RIT2: variants seen among roughly 807,000 people sequenced by gnomAD.
RIT2 encodes GTP-binding protein Rit2.
A neutral mutation model predicts 23.7 loss-of-function variants in RIT2; 24 were observed. The ratio of observed to expected loss-of-function variants is 1.01; its 90% CI spans 0.73 to 1.43. RIT2 has a LOEUF of 1.43. Ranked by LOEUF, RIT2 falls within the 40% of genes most tolerant of loss-of-function variation. The pLI is 0.00. For missense variants in RIT2, 236 were observed against 266.9 expected, an observed-to-expected ratio of 0.88 and a Z score of 0.81; for synonymous variants, 107 against 91.1, an observed-to-expected ratio of 1.17 and a Z score of -0.99.
chr18:42,936,566 A>G (rs531662172), intron 3 of RIT2, among the ~76,000 whole-genome samples: 11 of 152,292 alleles, frequency 7.2e-5, no homozygotes, highest in Admixed American at 6.5e-4. Flanking sequence ...ACTACTCGGA[A>G]ACTTTTCCTG....
chr18:42,837,844 A>G (rs1436975069), intron 4 of RIT2, among the ~76,000 whole-genome samples: 1 of 152,196 alleles, frequency 6.6e-6, no homozygotes, highest in African/African-American at 2.4e-5. Flanking sequence ...GCATTTTGGA[A>G]GCAGAACACT....
intron 4 of RIT2, among the ~76,000 whole-genome samples, chr18:42,899,572 A>G (rs1908421365): frequency 6.6e-6 from 1 of 151,948 alleles, no homozygotes; most frequent in Non-Finnish European, 1.5e-5. Flanking sequence ...TCTTCTCATG[A>G]GAGCTATAGT....
At chr18:42,937,999 G>A (rs1216089512) in intron 3 of RIT2, among the ~76,000 whole-genome samples, 3 of 152,064 alleles carry the variant, frequency 2.0e-5, no homozygotes, top group Admixed American at 1.3e-4. Context: ...TTTGAGCTAA[G>A]GAAACTTCAG....
intron 4 of RIT2, among the ~76,000 whole-genome samples, chr18:42,910,852 G>A (rs937844088): frequency 6.6e-6 from 1 of 152,046 alleles, no homozygotes; most frequent in African/African-American, 2.4e-5. Context: ...AAAGAAATCC[G>A]TAATTATAAC....
At chr18:42,761,473 T>C (rs1913301264) in intron 4 of RIT2, among the ~76,000 whole-genome samples, 1 of 152,212 alleles carries the variant, frequency 6.6e-6, no homozygotes, top group Admixed American at 6.5e-5. Context: ...CTTTTATCTC[T>C]ATGTCTCTTA....
At chr18:42,970,976 G>A (rs1042839190) in intron 3 of RIT2, among the ~76,000 whole-genome samples, 8 of 151,842 alleles carry the variant, frequency 5.3e-5, no homozygotes, top group Non-Finnish European at 8.8e-5. Flanking sequence ...TCTTTTACAA[G>A]CACAATCATG....
chr18:42,848,908 A>AG (rs1160274419), intron 4 of RIT2, among the ~76,000 whole-genome samples: 1 of 152,238 alleles, frequency 6.6e-6, no homozygotes, highest in Admixed American at 6.5e-5. Flanking sequence ...TATCTGAGAT[A>AG]GGTCTGTAAA....
intron 4 of RIT2, among the ~76,000 whole-genome samples, chr18:42,845,804 A>G (rs1377212502): frequency 1.3e-5 from 2 of 151,852 alleles, no homozygotes; most frequent in East Asian, 1.9e-4. Flanking sequence ...TCTATAAAAA[A>G]GTATCAAAGA....
chr18:42,967,823 C>T (rs1910271976), intron 3 of RIT2, among the ~76,000 whole-genome samples: 1 of 151,550 alleles, frequency 6.6e-6, no homozygotes, highest in Non-Finnish European at 1.5e-5. Flanking sequence ...GCCTTTAGAG[C>T]AAATGGTCCC....
rs544800164 is a variant in RIT2, at chr18:43,001,950, C to T, written c.161-27803G>A. On this transcript the variant is annotated intron_variant, in intron 2 of 4. Coordinates refer to ENST00000326695, the MANE Select transcript of RIT2 (RefSeq NM_002930.4). ...ACTTTACTGGATTAGTCAGGGTTATCTAGAGGGACAGGACTAATAGGACAG... is the reference window on the plus strand; with the variant it reads ...ACTTTACTGGATTAGTCAGGGTTATTTAGAGGGACAGGACTAATAGGACAG... Among the ~76,000 whole-genome samples, 12 of 152,034 alleles carry T rather than the reference C, an allele frequency of 7.9e-5. No homozygotes were observed. The South Asian group carries it at 2.3e-3, about 29-fold the overall frequency.
At chr18:42,809,107 A>C (rs73486734) in intron 4 of RIT2, among the ~76,000 whole-genome samples, 11,109 of 152,180 alleles carry the variant, frequency 0.073, 1,296 homozygotes, top group African/African-American at 0.25. Context: ...TTATTGCATT[A>C]TGTGATTAAT....
At chr18:43,012,263 A>C (rs1008807553) in intron 2 of RIT2, among the ~76,000 whole-genome samples, 1 of 151,852 alleles carries the variant, frequency 6.6e-6, no homozygotes, top group Non-Finnish European at 1.5e-5. Context: ...AAAGCACTAG[A>C]AAAATACCTT....
intron 1 of RIT2, among the ~76,000 whole-genome samples, chr18:43,089,234 A>G (rs576998443): frequency 2.2e-4 from 33 of 152,242 alleles, no homozygotes; most frequent in African/African-American, 7.7e-4. Context: ...CTGATAAACA[A>G]TGTCAGCAAA....
intron 1 of RIT2, among the ~76,000 whole-genome samples, chr18:43,065,389 A>G (rs1367099478): frequency 1.3e-5 from 2 of 151,678 alleles, no homozygotes; most frequent in African/African-American, 4.8e-5. Flanking sequence ...AACCACCAAC[A>G]TCGGCTATCA....
At chr18:42,895,035 G>A (rs1442797669) in intron 4 of RIT2, among the ~76,000 whole-genome samples, 1 of 152,074 alleles carries the variant, frequency 6.6e-6, no homozygotes, top group East Asian at 1.9e-4. Context: ...GAAAGAGGGT[G>A]AATTTCCCTC....
intron 4 of RIT2, among the ~76,000 whole-genome samples, chr18:42,795,638 C>T (rs1270123770): frequency 6.6e-6 from 1 of 152,266 alleles, no homozygotes; most frequent in Non-Finnish European, 1.5e-5. Context: ...GACTGGCAGG[C>T]AGCTCCACCT....
intron 2 of RIT2, among the ~76,000 whole-genome samples, chr18:43,019,284 T>A (rs1911543320): frequency 6.6e-6 from 1 of 151,572 alleles, no homozygotes; most frequent in South Asian, 2.1e-4. Flanking sequence ...ACAAAAATTC[T>A]CAAAAAAATA....
At chr18:43,090,683 G>T (rs1222304949) in intron 1 of RIT2, among the ~76,000 whole-genome samples, 2 of 152,040 alleles carry the variant, frequency 1.3e-5, no homozygotes, top group African/African-American at 4.8e-5. Context: ...ATACTATGCA[G>T]CCAAAAAAAG....
chr18:43,115,393 C>T, intron 1 of RIT2, 24 bp downstream of exon 1: 2 of 1,612,320 alleles, frequency 1.2e-6, no homozygotes, highest in East Asian at 2.2e-5. Flanking sequence ...CCCTCCTTCC[C>T]CAGCATTTGG....
Sources: gnomAD v4.1 joint callset for allele counts (sites outside exome capture counted in the v4.1 genomes callset) on GRCh38, gnomAD v4.1.1 for gene constraint, MANE v1.5 for transcripts, NCBI Gene and HGNC (gene_info 2026-07-23, HGNC 2026-07-21) for gene names.